The following WWOX variants were observed in gnomAD, a reference collection of about 807,000 sequenced individuals.
WWOX encodes WW domain containing oxidoreductase.
Under a neutral mutation model 46.2 loss-of-function variants are expected in WWOX, and 69 were observed. The observed-to-expected ratio is 1.49, with a 90% CI of 1.23 to 1.82. The LOEUF (loss-of-function observed/expected upper bound fraction) is 1.82, where lower values mean the gene tolerates loss of function less well. Among genes scored for constraint, WWOX ranks in the 40% most tolerant of loss-of-function variants. The probability of loss-of-function intolerance (pLI) is 0.00; values close to 1 mark genes in which losing one functional copy is unlikely to be tolerated. For missense variants in WWOX, 919 were observed against 542.6 expected (o/e 1.69, Z -6.89); for synonymous variants, 359 against 202.6 (o/e 1.77, Z -6.56).
intron 6 of WWOX, among the ~76,000 whole-genome samples, chr16:78,399,061 G>A (rs1597165485): frequency 6.8e-6 from 1 of 146,730 alleles, no homozygotes; most frequent in South Asian, 2.1e-4. Flanking sequence ...ATAAGGAAGG[G>A]GATAGGTGGC....
intron 8 of WWOX, among the ~76,000 whole-genome samples, chr16:79,123,416 A>C (rs905468622): frequency 2.6e-5 from 4 of 152,176 alleles, no homozygotes; most frequent in Admixed American, 6.5e-5. Flanking sequence ...AGTGGAAATG[A>C]GGGCAGCTGG....
chr16:78,885,772 C>A (rs2044443124), intron 8 of WWOX, among the ~76,000 whole-genome samples: 1 of 151,814 alleles, frequency 6.6e-6, no homozygotes, highest in Admixed American at 6.6e-5. Context: ...TTTGATTTAC[C>A]TAATAGAAGG....
intron 8 of WWOX, among the ~76,000 whole-genome samples, chr16:78,832,407 T>A (rs866721935): frequency 3.9e-4 from 60 of 152,282 alleles, no homozygotes; most frequent in Non-Finnish European, 2.9e-4. Flanking sequence ...TAACTTTAGC[T>A]ACATTCTATT....
intron 7 of WWOX, among the ~76,000 whole-genome samples, chr16:78,427,927 G>C (rs779326453): frequency 2.0e-5 from 3 of 152,188 alleles, no homozygotes; most frequent in Admixed American, 6.5e-5. Context: ...AATTAGCCAG[G>C]TGTGGTGGTG....
chr16:79,009,354 T>C (rs2113307), intron 8 of WWOX, among the ~76,000 whole-genome samples: 12,407 of 152,276 alleles, frequency 0.081, 864 homozygotes, highest in East Asian at 0.3. Flanking sequence ...TGGCTCTTTT[T>C]CACAAATGCT....
chr16:78,964,587 G>C (rs923847776), intron 8 of WWOX, among the ~76,000 whole-genome samples: 1 of 152,208 alleles, frequency 6.6e-6, no homozygotes, highest in Non-Finnish European at 1.5e-5. Flanking sequence ...TGGAAAATTT[G>C]CAGTCTGATT....
chr16:79,187,829 A>G (rs2051049067), intron 8 of WWOX, among the ~76,000 whole-genome samples: 1 of 152,262 alleles, frequency 6.6e-6, no homozygotes, highest in Admixed American at 6.5e-5. Context: ...GGCGTGAGCC[A>G]CCATGCCTGG....
intron 8 of WWOX, among the ~76,000 whole-genome samples, chr16:78,861,624 AC>A (rs1296917299): frequency 1.3e-5 from 2 of 152,144 alleles, no homozygotes; most frequent in African/African-American, 2.4e-5. Context: ...ACACCCAAAA[AC>A]ATCACAAATT....
chr16:78,614,832 C>G (rs567905050), intron 8 of WWOX, among the ~76,000 whole-genome samples: 2 of 152,178 alleles, frequency 1.3e-5, no homozygotes, highest in East Asian at 3.8e-4. Context: ...ATGTGCAGAA[C>G]GTGCAGGCTT....
chr16:79,209,148 T>C (rs182389704), intron 8 of WWOX, among the ~76,000 whole-genome samples: 15 of 152,286 alleles, frequency 9.8e-5, no homozygotes, highest in Non-Finnish European at 1.6e-4. Context: ...AAAGTTAGGC[T>C]TTTCAAAAAG....
intron 8 of WWOX, among the ~76,000 whole-genome samples, chr16:78,508,936 G>A (rs781326511): frequency 6.6e-6 from 1 of 152,220 alleles, no homozygotes; most frequent in Non-Finnish European, 1.5e-5. Flanking sequence ...TGTATTGGCT[G>A]GCTGTTCAAA....
At chr16:78,607,644 CTT>C (rs4035989) in intron 8 of WWOX, among the ~76,000 whole-genome samples, 18 of 141,528 alleles carry the variant, frequency 1.3e-4, no homozygotes, top group Non-Finnish European at 1.4e-4. Context: ...ATTTGTTCTT[CTT>C]TTTTTTTTTT....
intron 8 of WWOX, among the ~76,000 whole-genome samples, chr16:78,874,000 G>A (rs996369337): frequency 6.6e-6 from 1 of 151,722 alleles, no homozygotes; most frequent in African/African-American, 2.4e-5. Flanking sequence ...GGTGGCTCAT[G>A]CCTGTAATCC....
chr16:79,126,335 C>G (rs2049753733), intron 8 of WWOX, among the ~76,000 whole-genome samples: 1 of 152,116 alleles, frequency 6.6e-6, no homozygotes, highest in Non-Finnish European at 1.5e-5. Flanking sequence ...CTCTGTGTCC[C>G]AACTCAAATG....
At chr16:79,107,458 C>T (rs1372158011) in intron 8 of WWOX, among the ~76,000 whole-genome samples, 1 of 152,026 alleles carries the variant, frequency 6.6e-6, no homozygotes, top group East Asian at 1.9e-4. Context: ...ATATCAATAA[C>T]AAAGAAAAGA....
chr16:79,140,990 C>T (rs1043530334), intron 8 of WWOX, among the ~76,000 whole-genome samples: 3 of 152,084 alleles, frequency 2.0e-5, no homozygotes, highest in East Asian at 1.9e-4. Flanking sequence ...AGAATATAGG[C>T]GTACGCTTAG....
chr16:79,051,809 A>C (rs1302561853), intron 8 of WWOX, among the ~76,000 whole-genome samples: 1 of 152,200 alleles, frequency 6.6e-6, no homozygotes, highest in African/African-American at 2.4e-5. Flanking sequence ...ACATTCTTAA[A>C]TATCTGCTAG....
At chr16:78,984,066 G>T (rs563140471) in intron 8 of WWOX, among the ~76,000 whole-genome samples, 1 of 151,866 alleles carries the variant, frequency 6.6e-6, no homozygotes, top group African/African-American at 2.4e-5. Context: ...TTTTAGTAGA[G>T]ACAGGGTTTC....
At chr16:78,555,782 T>G (rs1488950662) in intron 8 of WWOX, among the ~76,000 whole-genome samples, 1 of 152,086 alleles carries the variant, frequency 6.6e-6, no homozygotes, top group African/African-American at 2.4e-5. Flanking sequence ...CTTGTTTGAC[T>G]TTGCCCACAA....
Sources: gnomAD v4.1 joint callset for allele counts (sites outside exome capture counted in the v4.1 genomes callset) on GRCh38, gnomAD v4.1.1 for gene constraint, MANE v1.5 for transcripts, NCBI Gene and HGNC (gene_info 2026-07-23, HGNC 2026-07-21) for gene names.